The following PRTG variants were observed in gnomAD, a reference collection of about 807,000 sequenced individuals.
PRTG encodes immunoglobulin superfamily, DCC subclass, member 5.
In PRTG, 67 loss-of-function variants were observed where a neutral mutation model predicts 122.5. The ratio of observed to expected loss-of-function variants is 0.55; its 90% CI spans 0.45 to 0.67. The LOEUF (loss-of-function observed/expected upper bound fraction) is 0.67, where lower values mean the gene tolerates loss of function less well. Among genes scored for constraint, PRTG ranks in the 30% least tolerant of loss-of-function variants. The probability of loss-of-function intolerance (pLI) is 0.00; values close to 1 mark genes in which losing one functional copy is unlikely to be tolerated. For missense variants in PRTG, 1,435 were observed against 1,415.4 expected, an observed-to-expected ratio of 1.01 and a Z score of -0.22; for synonymous variants, 554 against 501.1, an observed-to-expected ratio of 1.11 and a Z score of -1.41.
chr15:55,737,787 C>T (rs1021076312), intron 2 of PRTG, among the ~76,000 whole-genome samples: 1 of 150,862 alleles, frequency 6.6e-6, no homozygotes, highest in Non-Finnish European at 1.5e-5. Flanking sequence ...AAAACTTGCA[C>T]AGATTGAAGT....
In PRTG at chr15:55,672,616, A is replaced by C. The variant is rs776216611; in HGVS notation, c.1870T>G (p.Leu624Val). 1.2e-6 allele frequency: 2 copies of C among 1,612,944 alleles called. No individual in the cohort carries two copies. Among genetic ancestry groups the C allele is most frequent in the African/African-American group, 2.7e-5 (2 of 74,868 alleles). ...GTACAGTTCAGAGGCTCCAAATGCA[A>C]CTCTGGAGACTTAGGGGCTAGCAAA... Reference protein sequence around the residue: ...TSVKAPKSPELHLEPLNCTTI... With the variant: ...TSVKAPKSPEVHLEPLNCTTI... Residue 624 changes from leucine (L) to valine (V), a missense_variant, in exon 11 of 20, where the codon TTG (leucine) becomes GTG (valine). Physicochemically the swap from Leu to Val is conservative, Grantham distance 32. Transcript: ENST00000389286.
chr15:55,632,955 T>C (rs2059235974), intron 15 of PRTG, among the ~76,000 whole-genome samples: 1 of 152,198 alleles, frequency 6.6e-6, no homozygotes, highest in Non-Finnish European at 1.5e-5. Flanking sequence ...GGTGGTCCAA[T>C]TCATTTGGCA....
chr15:55,690,812 A>G (rs1327859796), intron 2 of PRTG, among the ~76,000 whole-genome samples: 1 of 152,222 alleles, frequency 6.6e-6, no homozygotes, highest in Non-Finnish European at 1.5e-5. Context: ...CATTGAGCAC[A>G]TTACATATTC....
At chr15:55,734,187 T>C (rs956138722) in intron 2 of PRTG, among the ~76,000 whole-genome samples, 2 of 152,198 alleles carry the variant, frequency 1.3e-5, no homozygotes, top group African/African-American at 4.8e-5. Context: ...AAGGCTGAGA[T>C]ACCTAACTAC....
rs147507363 is a variant in PRTG at position 55,663,692 on chromosome 15, C to A, written c.2041+8753G>T. On this transcript the variant is annotated intron_variant, in intron 11 of 19. Coordinates refer to ENST00000389286, the MANE Select transcript of PRTG (RefSeq NM_173814.6). ...AAGCAGCTGGGATTACAGGTACCAG[C>A]CACCACGTCTGGCTAATTTTTGTAT... Among the ~76,000 whole-genome samples, 55 of 152,144 alleles carry A rather than the reference C, an allele frequency of 3.6e-4. 1 individual carries two copies. The East Asian group carries it at 0.01, about 28-fold the overall frequency.
At chr15:55,721,307 C>CT (rs1200190615) in intron 2 of PRTG, among the ~76,000 whole-genome samples, 1 of 152,194 alleles carries the variant, frequency 6.6e-6, no homozygotes, top group African/African-American at 2.4e-5. Flanking sequence ...CTCACAGACA[C>CT]TAATGGGATC....
chr15:55,666,056 G>A (rs1344594862), intron 11 of PRTG, among the ~76,000 whole-genome samples: 1 of 152,202 alleles, frequency 6.6e-6, no homozygotes, highest in Non-Finnish European at 1.5e-5. Flanking sequence ...CACTGTATCA[G>A]TCTTGCTCAG....
intron 2 of PRTG, among the ~76,000 whole-genome samples, chr15:55,687,520 C>T (rs2059576976): frequency 6.6e-6 from 1 of 152,192 alleles, no homozygotes; most frequent in African/African-American, 2.4e-5. Context: ...TTTCTTTGAG[C>T]AGTTCCCCTT....
At chr15:55,691,537 C>T (rs1436493599) in intron 2 of PRTG, among the ~76,000 whole-genome samples, 7 of 149,544 alleles carry the variant, frequency 4.7e-5, no homozygotes, top group Admixed American at 4.0e-4. Context: ...AAAAATTAGC[C>T]GGGCATGGTG....
intron 2 of PRTG, among the ~76,000 whole-genome samples, chr15:55,692,087 G>C (rs1414560276): frequency 2.0e-5 from 3 of 152,010 alleles, no homozygotes; most frequent in African/African-American, 7.2e-5. Context: ...TGTAAACTCA[G>C]TTATACTACC....
rs2059125815 is a variant in PRTG at position 55,612,704 on chromosome 15, A to ATATATATATATATATATATG, written c.*7307_*7308insCATATATATATATATATATA. 1 of 5,850 alleles carries ATATATATATATATATATATG rather than the reference A, an allele frequency of 1.7e-4. No homozygotes were observed. The highest frequency in any genetic ancestry group is 2.2e-4 in the African/African-American group (1 of 4,602). 0.4% of individuals were successfully genotyped at this position (5,850 alleles called of 1,614,324 possible). A position where few individuals can be genotyped will look rare whatever the true frequency, so the allele number is the denominator to read the frequency against. On this transcript the variant is annotated 3_prime_UTR_variant, in exon 20 of 20. Transcript: ENST00000389286. ...TTTAACTCTTTAAAAGCCAATATAT[A>ATATATATATATATATATATG]TATATATATATATATATATATATAT... is the stretch of plus-strand genomic sequence containing the variant.
intron 14 of PRTG, among the ~76,000 whole-genome samples, 170 bp downstream of exon 14, chr15:55,638,377 TAA>T (rs2059269877): frequency 6.6e-6 from 1 of 151,942 alleles, no homozygotes; most frequent in African/African-American, 2.4e-5. Flanking sequence ...AAAATTTAAA[TAA>T]AATAAGGAAA....
intron 11 of PRTG, among the ~76,000 whole-genome samples, chr15:55,643,694 G>A (rs1196033084): frequency 6.6e-6 from 1 of 152,018 alleles, no homozygotes; most frequent in African/African-American, 2.4e-5. Flanking sequence ...GAAGTGCTGG[G>A]ATTACAGGAA....
intron 11 of PRTG, among the ~76,000 whole-genome samples, chr15:55,663,927 T>C (rs1010866730): frequency 2.0e-5 from 3 of 152,192 alleles, no homozygotes; most frequent in Non-Finnish European, 4.4e-5. Flanking sequence ...CTCAGCATAA[T>C]GACATTGATA....
intron 18 of PRTG, among the ~76,000 whole-genome samples, chr15:55,622,671 G>T (rs553885704): frequency 1.6e-4 from 24 of 151,852 alleles, no homozygotes; most frequent in Admixed American, 7.9e-4. Context: ...GATTACAGGC[G>T]TGAGCCACCG....
chr15:55,708,148 TAAAAAAAAAA>T (rs35216342), intron 2 of PRTG, among the ~76,000 whole-genome samples: 17 of 70,034 alleles, frequency 2.4e-4, no homozygotes, highest in African/African-American at 5.6e-4. Flanking sequence ...AGTAAGCTGG[TAAAAAAAAAA>T]AAAAAAAAAA....
chr15:55,736,023 T>C (rs2031400885), intron 2 of PRTG, among the ~76,000 whole-genome samples: 1 of 152,244 alleles, frequency 6.6e-6, no homozygotes, highest in Non-Finnish European at 1.5e-5. Context: ...CTCCTCTTTT[T>C]AAAGGCGAAT....
At chr15:55,642,666 T>TA (rs1211282900) in intron 11 of PRTG, among the ~76,000 whole-genome samples, 2 of 145,142 alleles carry the variant, frequency 1.4e-5, no homozygotes, top group Non-Finnish European at 3.0e-5. Context: ...CTCTAAATAA[T>TA]AAAAAACACA....
intron 18 of PRTG, among the ~76,000 whole-genome samples, chr15:55,623,665 A>T (rs1403868721): frequency 6.6e-6 from 1 of 152,248 alleles, no homozygotes; most frequent in Non-Finnish European, 1.5e-5. Context: ...ACTGATTTAT[A>T]GCACATTGGT....
Sources: gnomAD v4.1 joint callset for allele counts (sites outside exome capture counted in the v4.1 genomes callset) on GRCh38, gnomAD v4.1.1 for gene constraint, MANE v1.5 for transcripts, NCBI Gene and HGNC (gene_info 2026-07-23, HGNC 2026-07-21) for gene names.